AMPH: variants seen among roughly 807,000 people sequenced by gnomAD.
AMPH encodes amphiphysin.
In AMPH, 49 loss-of-function variants were observed where a neutral mutation model predicts 99.1. That is an observed-to-expected ratio of 0.49 (90% confidence interval 0.39 to 0.63). The LOEUF (loss-of-function observed/expected upper bound fraction) is 0.63. AMPH is among the 20% of genes least tolerant of loss of function. The pLI is 0.00. For missense variants in AMPH, 759 were observed against 863.4 expected (o/e 0.88, Z 1.52); for synonymous variants, 314 against 317.3 (o/e 0.99, Z 0.11).
At chr7:38,532,574 A>G (rs1224056128) in intron 2 of AMPH, among the ~76,000 whole-genome samples, 1 of 152,192 alleles carries the variant, frequency 6.6e-6, no homozygotes, top group African/African-American at 2.4e-5. Flanking sequence ...TATTGTATAT[A>G]GTGACCAAAA....
chr7:38,390,743 G>A (rs2128973963), intron 19 of AMPH, among the ~76,000 whole-genome samples: 1 of 152,294 alleles, frequency 6.6e-6, no homozygotes, highest in Admixed American at 6.5e-5. Context: ...AGTTAGTGAG[G>A]AGGCCAGAAT....
chr7:38,487,148 T>C (rs1032332184), intron 5 of AMPH, among the ~76,000 whole-genome samples: 10 of 152,090 alleles, frequency 6.6e-5, no homozygotes, highest in African/African-American at 2.4e-4. Context: ...AGGTTCTACA[T>C]GGAAAACCCG....
rs200921585 is a variant in AMPH, at chr7:38,463,017, T to C, written c.846A>G (p.Ala282=). 57 of 1,606,088 alleles carry C rather than the reference T, an allele frequency of 3.5e-5. No homozygotes were observed. In the East Asian group the frequency reaches 1.2e-3, roughly 34 times the overall value. ...SPTASPNHTL[A]PASPAPARPR... ...GCCGTGCTGGTGCGGGAGACGCAGG[T>C]GCTAATGTATGATTTGGACTTGCTG... Residue 282 remains alanine (A), a synonymous_variant, in exon 10 of 21, where the codon GCA becomes GCG. Coordinates refer to ENST00000356264, the MANE Select transcript of AMPH (RefSeq NM_001635.4).
intron 7 of AMPH, among the ~76,000 whole-genome samples, chr7:38,468,272 T>C (rs777853322): frequency 2.6e-5 from 4 of 152,244 alleles, no homozygotes; most frequent in Admixed American, 1.3e-4. Flanking sequence ...CTTTCATTCA[T>C]TTATTTATTG....
chr7:38,405,395 T>G (rs1011346534), intron 17 of AMPH, among the ~76,000 whole-genome samples: 4 of 152,162 alleles, frequency 2.6e-5, no homozygotes, highest in East Asian at 3.8e-4. Flanking sequence ...AATGTTCCAC[T>G]TATAGATTAG....
At chr7:38,623,224 C>G (rs78516024) in intron 1 of AMPH, among the ~76,000 whole-genome samples, 5,472 of 152,158 alleles carry the variant, frequency 0.036, 158 homozygotes, top group Admixed American at 0.079. Flanking sequence ...ATTGTTTATA[C>G]AAATATCTCA....
At chr7:38,478,812 T>A (rs1394008195) in intron 5 of AMPH, among the ~76,000 whole-genome samples, 1 of 152,046 alleles carries the variant, frequency 6.6e-6, no homozygotes, top group Admixed American at 6.6e-5. Flanking sequence ...ATTTTAAAAA[T>A]GTTATCAGAG....
At chr7:38,575,705 T>G (rs920561844) in intron 1 of AMPH, among the ~76,000 whole-genome samples, 1 of 152,182 alleles carries the variant, frequency 6.6e-6, no homozygotes, top group East Asian at 1.9e-4. Context: ...CAATTAAACC[T>G]CTTTCTCCTA....
At position 38,580,996 on chromosome 7, in the gene AMPH, T is replaced by C. The variant is rs569428283; in HGVS notation, c.70-45985A>G. ...CTTTGATATGTTTATAAATTATTTC[T>C]CAACATGAAGACATAAAATGGTCTA... On this transcript the variant is annotated intron_variant, in intron 1 of 20. Coordinates refer to ENST00000356264, the MANE Select transcript of AMPH (RefSeq NM_001635.4). Among the ~76,000 whole-genome samples, 266 of 152,324 alleles carry C rather than the reference T, an allele frequency of 1.7e-3. 1 individual carries two copies. Among genetic ancestry groups the C allele is most frequent in the African/African-American group, 6.3e-3 (261 of 41,578 alleles).
At chr7:38,397,795 A>C (rs1011628756) in intron 17 of AMPH, among the ~76,000 whole-genome samples, 22 of 151,992 alleles carry the variant, frequency 1.4e-4, no homozygotes, top group African/African-American at 5.3e-4. Context: ...TAAGGATCTC[A>C]AACAACTCTA....
intron 1 of AMPH, among the ~76,000 whole-genome samples, chr7:38,545,031 G>A (rs1790942675): frequency 6.6e-6 from 1 of 152,196 alleles, no homozygotes; most frequent in Non-Finnish European, 1.5e-5. Flanking sequence ...TGTGCTTAGA[G>A]AATTATTTTC....
intron 1 of AMPH, among the ~76,000 whole-genome samples, chr7:38,573,657 T>C (rs1161636327): frequency 2.0e-5 from 3 of 152,258 alleles, no homozygotes. Context: ...CTGTGGTTTT[T>C]TGCACTGATT....
rs766923131 is a variant in AMPH, at chr7:38,429,864, G to A, written c.1160C>T (p.Thr387Ile). 6.2e-7 allele frequency: 1 copy of A among 1,601,656 alleles called. No individual in the cohort carries two copies. The highest frequency in any genetic ancestry group is 8.5e-7 in the Non-Finnish European group (1 of 1,176,980). ...SQTLPWDLWT[T>I]STDLVQPASG... is the part of the protein sequence containing the mutation. The stretch of plus-strand genomic sequence containing the variant: ...TACCGGCTGTACCAAATCAGTGCTT[G>A]TCTGTATGGGTAAAGAAAATAGTAA... Residue 387 changes from threonine (T) to isoleucine (I), a missense_variant and splice_region_variant, in exon 14 of 21, where the codon ACA (threonine) becomes ATA (isoleucine). This residue lies in a region of AMPH where 554 missense variants were observed against 575.6 expected (regional missense o/e 0.96). Coordinates refer to ENST00000356264, the MANE Select transcript of AMPH (RefSeq NM_001635.4).
intron 1 of AMPH, among the ~76,000 whole-genome samples, chr7:38,592,881 C>T (rs79757038): frequency 0.013 from 2,001 of 152,238 alleles, 24 homozygotes; most frequent in Non-Finnish European, 0.019. Flanking sequence ...AGGAGCATTG[C>T]TTTGAGAAGC....
chr7:38,394,143 C>A lies in AMPH; in HGVS notation c.1470G>T (p.Glu490Asp). ...LVSAAEGAPG[E>D]EAEAEKATVP... Reference sequence around the variant, plus strand: ...CAGTGGCCTTCTCCGCCTCTGCTTCCTCTCCTGGGGCCCCCTCAGCTGCTG... The same window carrying A: ...CAGTGGCCTTCTCCGCCTCTGCTTCATCTCCTGGGGCCCCCTCAGCTGCTG... The change falls in exon 18 of 21, where the codon GAG becomes GAT. Residue 490 changes from glutamate to aspartate, a missense_variant. Glu to Asp is a conservative substitution (Grantham distance 45). This residue lies in a region of AMPH where 554 missense variants were observed against 575.6 expected (regional missense o/e 0.96). Coordinates refer to ENST00000356264, the MANE Select transcript of AMPH (RefSeq NM_001635.4). 1 of 1,614,208 alleles carries A rather than the reference C, an allele frequency of 6.2e-7. No individual in the cohort carries two copies. Among genetic ancestry groups the A allele is most frequent in the Non-Finnish European group, 8.5e-7 (1 of 1,180,034 alleles).
chr7:38,483,813 C>A (rs567427058), intron 5 of AMPH, among the ~76,000 whole-genome samples: 1 of 152,146 alleles, frequency 6.6e-6, no homozygotes, highest in South Asian at 2.1e-4. Context: ...CAAATATCAA[C>A]CCTAATGAAA....
chr7:38,485,496 T>C (rs552613266), intron 5 of AMPH, among the ~76,000 whole-genome samples: 3 of 151,980 alleles, frequency 2.0e-5, no homozygotes, highest in South Asian at 4.1e-4. Flanking sequence ...CAGACGGCAA[T>C]ATAATAATAA....
chr7:38,410,846 G>T (rs1785195172), intron 17 of AMPH, among the ~76,000 whole-genome samples: 1 of 152,150 alleles, frequency 6.6e-6, no homozygotes, highest in African/African-American at 2.4e-5. Flanking sequence ...GAAGCTCAAG[G>T]TTGAGGCTGC....
chr7:38,532,991 T>C (rs1449723237), intron 2 of AMPH, among the ~76,000 whole-genome samples: 2 of 152,164 alleles, frequency 1.3e-5, no homozygotes, highest in East Asian at 3.9e-4. Flanking sequence ...ACTGTAAACA[T>C]GAATCACTTC....
Sources: gnomAD v4.1 joint callset for allele counts (sites outside exome capture counted in the v4.1 genomes callset) on GRCh38, gnomAD v4.1.1 for gene constraint, gnomAD v4.1.1 regional missense constraint, MANE v1.5 for transcripts, NCBI Gene and HGNC (gene_info 2026-07-23, HGNC 2026-07-21) for gene names.